The following ERC2 variants were observed in gnomAD, a reference collection of about 807,000 sequenced individuals.
The protein encoded by ERC2 is ELKS/RAB6-interacting/CAST family member 2.
A neutral mutation model predicts 114.8 loss-of-function variants in ERC2; 42 were observed. That is an observed-to-expected ratio of 0.37 (90% CI 0.29 to 0.47). ERC2 has a LOEUF of 0.47. ERC2 is among the 20% of genes least tolerant of loss of function. ERC2 has a pLI of 0.99. For missense variants in ERC2, 939 were observed against 1,150.7 expected, an observed-to-expected ratio of 0.82 and a Z score of 2.66; for synonymous variants, 454 against 425.5, an observed-to-expected ratio of 1.07 and a Z score of -0.82.
At chr3:56,264,728 A>G (rs1254907079) in intron 3 of ERC2, among the ~76,000 whole-genome samples, 4 of 152,160 alleles carry the variant, frequency 2.6e-5, no homozygotes, top group South Asian at 2.1e-4. Context: ...CCATAAAAAA[A>G]CTGTTAAAAT....
At chr3:56,062,904 A>G (rs2076308075) in intron 7 of ERC2, among the ~76,000 whole-genome samples, 1 of 152,168 alleles carries the variant, frequency 6.6e-6, no homozygotes, top group Non-Finnish European at 1.5e-5. Context: ...AGTCCTTTTC[A>G]GTGCCAACAT....
In ERC2 at chr3:55,803,145, C is replaced by T. The variant is rs543224582; in HGVS notation, c.2565-68227G>A. 2.0e-5 allele frequency among the ~76,000 whole-genome samples: 3 copies of T among 152,256 alleles called. No homozygotes were observed. The South Asian group carries it at 6.2e-4, about 32-fold the overall frequency. The stretch of plus-strand genomic sequence containing the variant: ...CAGTAACCAAGTGCACAATAGCCTG[C>T]AATTTCCAGTATATTCTTCTCTCTA... On this transcript the variant is annotated intron_variant, in intron 14 of 17. Coordinates refer to ENST00000288221, the MANE Select transcript of ERC2 (RefSeq NM_015576.3).
intron 7 of ERC2, among the ~76,000 whole-genome samples, chr3:56,059,468 G>A (rs1482702043): frequency 6.6e-6 from 1 of 152,126 alleles, no homozygotes; most frequent in Admixed American, 6.5e-5. Flanking sequence ...CTACTAATCA[G>A]CTACAGGAAG....
chr3:55,865,509 A>G (rs2062266274), intron 14 of ERC2, among the ~76,000 whole-genome samples: 1 of 152,156 alleles, frequency 6.6e-6, no homozygotes, highest in African/African-American at 2.4e-5. Context: ...CTACAGTTCA[A>G]TGAGTTTTTG....
At chr3:55,770,980 GT>G (rs1160889170) in intron 14 of ERC2, among the ~76,000 whole-genome samples, 1 of 152,110 alleles carries the variant, frequency 6.6e-6, no homozygotes, top group Non-Finnish European at 1.5e-5. Context: ...TGAACTCATT[GT>G]TTTTTATGGC....
In ERC2 at chr3:55,797,609, C is replaced by T. The variant is rs551975860; in HGVS notation, c.2565-62691G>A. Among the ~76,000 whole-genome samples the T allele has an allele frequency of 7.2e-5, 11 of 152,158 alleles. No individual in the cohort carries two copies. In the South Asian group the frequency reaches 8.3e-4, roughly 11 times the overall value. On this transcript the variant is annotated intron_variant, in intron 14 of 17. Coordinates refer to ENST00000288221, the MANE Select transcript of ERC2 (RefSeq NM_015576.3). The stretch of plus-strand genomic sequence containing the variant: ...AGTGAGGGAAAGATAGTGGAACAGA[C>T]GAGAATAAGTGCAAATTTAGATATA...
At chr3:55,747,855 A>G (rs1559591154) in intron 14 of ERC2, among the ~76,000 whole-genome samples, 1 of 152,374 alleles carries the variant, frequency 6.6e-6, no homozygotes, top group East Asian at 1.9e-4. Context: ...AACGGTTCAA[A>G]AGACAGGCCA....
intron 14 of ERC2, among the ~76,000 whole-genome samples, chr3:55,823,472 G>C (rs974004378): frequency 6.6e-6 from 1 of 152,024 alleles, no homozygotes; most frequent in African/African-American, 2.4e-5. Context: ...CCCTGTCTCA[G>C]GGTGGGCATT....
At chr3:55,822,138 T>G (rs1172473150) in intron 14 of ERC2, among the ~76,000 whole-genome samples, 1 of 152,212 alleles carries the variant, frequency 6.6e-6, no homozygotes, top group African/African-American at 2.4e-5. Flanking sequence ...TATTGGCTTA[T>G]TAAAGCCTTG....
intron 12 of ERC2, among the ~76,000 whole-genome samples, chr3:55,951,102 T>C (rs1275327777): frequency 6.6e-6 from 1 of 152,148 alleles, no homozygotes; most frequent in Non-Finnish European, 1.5e-5. Flanking sequence ...AAGGCTGCAG[T>C]GAGGCTAATC....
At chr3:56,401,393 T>C (rs1228124809) in intron 2 of ERC2, among the ~76,000 whole-genome samples, 2 of 152,178 alleles carry the variant, frequency 1.3e-5, no homozygotes, top group Non-Finnish European at 2.9e-5. Context: ...TGTAAACATA[T>C]GGTCATGTAT....
chr3:55,948,934 C>T (rs1247271612), intron 13 of ERC2, among the ~76,000 whole-genome samples: 1 of 152,118 alleles, frequency 6.6e-6, no homozygotes, highest in Non-Finnish European at 1.5e-5. Context: ...TGGTCTGTAC[C>T]CAAGTACAAT....
At position 55,747,639 on chromosome 3, in the gene ERC2, T is replaced by G. The variant is rs2066391796; in HGVS notation, c.2565-12721A>C. Among the ~76,000 whole-genome samples the G allele has an allele frequency of 2.6e-5, 4 of 152,366 alleles. No homozygotes were observed. The South Asian group carries it at 8.3e-4, about 32-fold the overall frequency. Reference sequence around the variant, plus strand: ...CTATCTAATGCACACTCATTAATCATGATCTTGTTGATTGTGTCAACAGAA... The same window carrying G: ...CTATCTAATGCACACTCATTAATCAGGATCTTGTTGATTGTGTCAACAGAA... On this transcript the variant is annotated intron_variant, in intron 14 of 17. Coordinates refer to ENST00000288221, the MANE Select transcript of ERC2 (RefSeq NM_015576.3).
chr3:56,218,815 AATG>A (rs1443785213), intron 3 of ERC2, among the ~76,000 whole-genome samples: 3 of 152,158 alleles, frequency 2.0e-5, no homozygotes, highest in Non-Finnish European at 4.4e-5. Context: ...AGCCATAAAA[AATG>A]ATGAGTTCAT....
rs1168869584 is a variant in ERC2 at position 55,992,063 on chromosome 3, A to C, written c.2249T>G (p.Leu750Arg). 6.2e-7 allele frequency: 1 copy of C among 1,612,926 alleles called. No individual in the cohort carries two copies. The highest frequency in any genetic ancestry group is 8.5e-7 in the Non-Finnish European group (1 of 1,179,458). ...KNDKDKKIAE[L>R]ESLTLRHMKD... ...ATATAACTGTAAAATTTACCTCTCC[A>C]GTTCTGCGATCTTCTTGTCCTTGTC... is the stretch of plus-strand genomic sequence containing the variant. The change falls in exon 11 of 18, where the codon CTG becomes CGG. Residue 750 changes from leucine (L) to arginine (R), a missense_variant. This residue lies in a region of ERC2 where 328 missense variants were observed against 353.9 expected (regional missense o/e 0.93). Coordinates refer to ENST00000288221, the MANE Select transcript of ERC2 (RefSeq NM_015576.3).
chr3:56,386,082 T>C (rs764858023), intron 2 of ERC2, among the ~76,000 whole-genome samples: 2 of 152,108 alleles, frequency 1.3e-5, no homozygotes, highest in Non-Finnish European at 2.9e-5. Flanking sequence ...ATAAAACAGA[T>C]GACCCCAAAT....
At chr3:56,087,995 C>T (rs1350240157) in intron 6 of ERC2, among the ~76,000 whole-genome samples, 4 of 152,140 alleles carry the variant, frequency 2.6e-5, no homozygotes, top group Non-Finnish European at 5.9e-5. Context: ...TCCTTTCCTC[C>T]TGAAAACAGG....
intron 12 of ERC2, among the ~76,000 whole-genome samples, chr3:55,975,828 T>C (rs1195833658): frequency 6.6e-6 from 1 of 152,178 alleles, no homozygotes; most frequent in South Asian, 2.1e-4. Context: ...GCCTTCTATC[T>C]TCCTACCTCT....
intron 6 of ERC2, among the ~76,000 whole-genome samples, chr3:56,121,222 T>C (rs925840607): frequency 2.6e-5 from 4 of 152,216 alleles, no homozygotes; most frequent in Non-Finnish European, 5.9e-5. Flanking sequence ...TGTCTGTATG[T>C]ATGTTTGTAT....
Sources: gnomAD v4.1 joint callset for allele counts (sites outside exome capture counted in the v4.1 genomes callset) on GRCh38, gnomAD v4.1.1 for gene constraint, gnomAD v4.1.1 regional missense constraint, MANE v1.5 for transcripts, NCBI Gene and HGNC (gene_info 2026-07-23, HGNC 2026-07-21) for gene names.